TLL1: variants seen among roughly 807,000 people sequenced by gnomAD.
TLL1 encodes the protein tolloid-like protein 1.
In TLL1, 49 loss-of-function variants were observed where a neutral mutation model predicts 128.2. That is an observed-to-expected ratio of 0.38 (90% CI 0.30 to 0.48). TLL1 has a LOEUF of 0.48. Among genes scored for constraint, TLL1 ranks in the 20% least tolerant of loss-of-function variants. TLL1 has a pLI of 0.96. For missense variants in TLL1, 1,123 were observed against 1,242.0 expected (o/e 0.90, Z 1.44); for synonymous variants, 454 against 418.8 (o/e 1.08, Z -1.03).
chr4:165,984,075 C>G (rs911803288), intron 1 of TLL1, among the ~76,000 whole-genome samples: 1 of 151,700 alleles, frequency 6.6e-6, no homozygotes, highest in Admixed American at 6.6e-5. Context: ...GCATGGGATG[C>G]CTTTGTATGA....
intron 1 of TLL1, among the ~76,000 whole-genome samples, chr4:165,921,658 A>G (rs1037480623): frequency 3.3e-5 from 5 of 152,204 alleles, no homozygotes; most frequent in African/African-American, 1.2e-4. Flanking sequence ...TCTTATAGTT[A>G]GACAAGGTGA....
chr4:165,949,744 T>C (rs1215031541), intron 1 of TLL1, among the ~76,000 whole-genome samples: 1 of 152,074 alleles, frequency 6.6e-6, no homozygotes, highest in Non-Finnish European at 1.5e-5. Flanking sequence ...AAGAACAGCA[T>C]GGGGGAAACC....
intron 1 of TLL1, among the ~76,000 whole-genome samples, chr4:165,915,816 G>A (rs9995490): frequency 0.47 from 71,331 of 151,946 alleles, 17,876 homozygotes; most frequent in East Asian, 0.94. Context: ...CCAACCCATA[G>A]TAGTATTGTA....
intron 12 of TLL1, among the ~76,000 whole-genome samples, chr4:166,049,444 A>G (rs748696540): frequency 7.9e-5 from 12 of 152,302 alleles, no homozygotes; most frequent in Non-Finnish European, 1.6e-4. Flanking sequence ...ACCACTGTTC[A>G]CATACTGTCA....
At chr4:165,892,175 T>C (rs1452698422) in intron 1 of TLL1, among the ~76,000 whole-genome samples, 4 of 152,246 alleles carry the variant, frequency 2.6e-5, no homozygotes, top group African/African-American at 7.2e-5. Context: ...TGGATGTTAC[T>C]GCTCCCATGA....
At chr4:166,002,328 C>T (rs1279586346) in intron 5 of TLL1, among the ~76,000 whole-genome samples, 1 of 152,146 alleles carries the variant, frequency 6.6e-6, no homozygotes, top group African/African-American at 2.4e-5. Context: ...CCATGAAGAT[C>T]AGGTTTCAAC....
intron 1 of TLL1, among the ~76,000 whole-genome samples, chr4:165,966,403 A>G (rs1273969800): frequency 1.3e-5 from 2 of 152,156 alleles, no homozygotes; most frequent in African/African-American, 4.8e-5. Context: ...GGGTTCTGTC[A>G]TCACACATAT....
chr4:165,959,229 T>A (rs926951607), intron 1 of TLL1, among the ~76,000 whole-genome samples: 17 of 152,192 alleles, frequency 1.1e-4, no homozygotes, highest in Non-Finnish European at 2.1e-4. Flanking sequence ...TTTAAAGTAG[T>A]TTTTTCCAAT....
chr4:165,976,910 T>A (rs954699333), intron 1 of TLL1, among the ~76,000 whole-genome samples: 4 of 152,174 alleles, frequency 2.6e-5, no homozygotes, highest in Non-Finnish European at 5.9e-5. Context: ...ATGCGGTTTT[T>A]TTGTATTTTT....
chr4:165,950,341 C>T (rs942503186), intron 1 of TLL1, among the ~76,000 whole-genome samples: 7 of 151,990 alleles, frequency 4.6e-5, no homozygotes, highest in African/African-American at 1.7e-4. Context: ...TTAGCATTCC[C>T]TTTGTCACTT....
chr4:165,994,423 A>C lies in TLL1; in HGVS notation c.404A>C (p.Gln135Pro), dbSNP rs758290238. 4 of 1,614,072 alleles carry C rather than the reference A, an allele frequency of 2.5e-6. No homozygotes were observed. The South Asian group carries it at 4.4e-5, about 18-fold the overall frequency. The change falls in exon 4 of 21, where the codon CAA becomes CCA. Residue 135 changes from glutamine to proline, a missense_variant. This residue lies in a region of TLL1 where 480 missense variants were observed against 542.4 expected (regional missense o/e 0.89). Transcript: ENST00000061240. ...ACAGTTAAGGGAAAAGTACCTCTAC[A>C]ATTCTCAGGGCAAAATGAGAAAAAT... ...NNTVKGKVPL[Q>P]FSGQNEKNRV... is the part of the protein sequence containing the mutation.
chr4:166,057,325 T>C lies in TLL1; in HGVS notation c.1846+16T>C. 3 of 1,613,582 alleles carry C rather than the reference T, an allele frequency of 1.9e-6. No homozygotes were observed. Among genetic ancestry groups the C allele is most frequent in the Non-Finnish European group, 2.5e-6 (3 of 1,179,846 alleles). The stretch of plus-strand genomic sequence containing the variant: ...AGCTGTGAAGGTATGACTGCACTCC[T>C]TCCTGGACCCCCACCCCCCACAATT... On this transcript the variant is annotated intron_variant, in intron 14 of 20. Coordinates refer to ENST00000061240, the MANE Select transcript of TLL1 (RefSeq NM_012464.5).
chr4:165,930,936 A>G (rs1169777191), intron 1 of TLL1, among the ~76,000 whole-genome samples: 5 of 152,198 alleles, frequency 3.3e-5, no homozygotes, highest in Admixed American at 3.3e-4. Flanking sequence ...GTGTTAGGGA[A>G]ATGAATAAAT....
intron 15 of TLL1, among the ~76,000 whole-genome samples, chr4:166,064,631 A>G (rs1247640803): frequency 6.6e-6 from 1 of 152,156 alleles, no homozygotes; most frequent in East Asian, 1.9e-4. Flanking sequence ...GACTTACAGA[A>G]TAATGGGTTA....
chr4:166,096,212 T>TGG, intron 19 of TLL1, among the ~76,000 whole-genome samples: 1 of 92,216 alleles, frequency 1.1e-5, no homozygotes, highest in African/African-American at 3.7e-5. Flanking sequence ...CTGTCATGGG[T>TGG]GTGTGTGTGT....
chr4:165,980,520 G>A (rs1006291678), intron 1 of TLL1, among the ~76,000 whole-genome samples: 3 of 152,124 alleles, frequency 2.0e-5, no homozygotes, highest in Admixed American at 6.6e-5. Flanking sequence ...CAATTGTAGT[G>A]ATAAGCTCTC....
In TLL1 at chr4:166,090,985, C is replaced by CAT. The variant is rs35280935; in HGVS notation, c.2443-143_2443-142insAT. On this transcript the variant is annotated intron_variant, in intron 18 of 20. Transcript: ENST00000061240. ...GAGATTACATATTTTATTGATTTCA[C>CAT]CTTTCTTAATTATGCTGTAAATGTG... 0.95 allele frequency: 607,917 copies of CAT among 640,682 alleles called. 289,601 individuals are homozygous for CAT. The highest frequency in any genetic ancestry group is 1 in the East Asian group (35,788 of 35,848). The allele number at this position is 640,682 out of a possible 1,614,324, so 39.7% of individuals were successfully genotyped here. A position where few individuals can be genotyped will look rare whatever the true frequency, so the allele number is the denominator to read the frequency against.
At chr4:166,063,833 C>T (rs1252473947) in intron 15 of TLL1, among the ~76,000 whole-genome samples, 3 of 151,896 alleles carry the variant, frequency 2.0e-5, no homozygotes, top group Non-Finnish European at 2.9e-5. Context: ...ACGCCACACA[C>T]CGGGGCCTGT....
At chr4:165,912,514 G>A (rs921417457) in intron 1 of TLL1, among the ~76,000 whole-genome samples, 1 of 152,202 alleles carries the variant, frequency 6.6e-6, no homozygotes, top group African/African-American at 2.4e-5. Flanking sequence ...TAAAATTAAA[G>A]ACTCTAAAGT....
Sources: allele counts gnomAD v4.1 joint callset (sites outside exome capture counted in the v4.1 genomes callset), GRCh38; gene constraint gnomAD v4.1.1; regional missense constraint gnomAD v4.1.1; transcripts MANE v1.5; gene names NCBI Gene and HGNC (gene_info 2026-07-23, HGNC 2026-07-21).